Variants in PHF21B observed in about 807,000 individuals in gnomAD.
The protein encoded by PHF21B is PHD finger protein 4.
Under a neutral mutation model 62.2 loss-of-function variants are expected in PHF21B, and 22 were observed. The ratio of observed to expected loss-of-function variants is 0.35; its 90% CI spans 0.25 to 0.51. PHF21B has a LOEUF of 0.51. Ranked by LOEUF, PHF21B falls within the 20% of genes least tolerant of loss-of-function variation. The pLI, the probability that PHF21B is intolerant of heterozygous loss-of-function variation, is 0.97. For missense variants in PHF21B, 701 were observed against 707.9 expected, an observed-to-expected ratio of 0.99 and a Z score of 0.11; for synonymous variants, 341 against 314.7, an observed-to-expected ratio of 1.08 and a Z score of -0.88.
chr22:44,883,856 C>T (rs1225792413), intron 12 of PHF21B, among the ~76,000 whole-genome samples: 1 of 152,136 alleles, frequency 6.6e-6, no homozygotes, highest in African/African-American at 2.4e-5. Context: ...ATCACAAAGC[C>T]TCTTCACAGC....
intron 11 of PHF21B, 47 bp from the exon 12 acceptor site, chr22:44,885,576 G>A (rs755408272): frequency 1.0e-5 from 16 of 1,525,570 alleles, no homozygotes; most frequent in East Asian, 7.3e-5. Flanking sequence ...GGTAAGGAGC[G>A]GCTGGGTCGT....
At position 44,925,757 on chromosome 22, in the gene PHF21B, A is replaced by C. The variant is rs536577588; in HGVS notation, c.121-5267T>G. The stretch of plus-strand genomic sequence containing the variant: ...GCCCGCCTCCCCTAATGCATGTCTC[A>C]AAGATGGGGGGTTATGGGGATTGTC... On this transcript the variant is annotated intron_variant, in intron 2 of 12. Transcript: ENST00000313237. Among the ~76,000 whole-genome samples the C allele has an allele frequency of 2.6e-5, 4 of 152,242 alleles. No individual in the cohort carries two copies. The East Asian group carries it at 7.8e-4, about 30-fold the overall frequency.
At chr22:44,948,691 GAA>G (rs143726909) in intron 2 of PHF21B, among the ~76,000 whole-genome samples, 10 of 126,778 alleles carry the variant, frequency 7.9e-5, no homozygotes, top group Admixed American at 8.0e-5. Flanking sequence ...ACTCTGTCTG[GAA>G]AAAAAAAAAA....
intron 2 of PHF21B, among the ~76,000 whole-genome samples, chr22:44,955,153 C>T (rs1248469072): frequency 1.3e-5 from 2 of 152,192 alleles, no homozygotes; most frequent in Non-Finnish European, 2.9e-5. Context: ...AGAGTCCTGG[C>T]CTCGGAGGAG....
intron 2 of PHF21B, among the ~76,000 whole-genome samples, chr22:44,941,278 T>C (rs374709726): frequency 1.2e-4 from 18 of 152,250 alleles, no homozygotes; most frequent in African/African-American, 4.3e-4. Context: ...CAGTGCTACC[T>C]CCTGCAAGCT....
chr22:44,884,754 A>G (rs1251696062), intron 12 of PHF21B, among the ~76,000 whole-genome samples: 1 of 112,812 alleles, frequency 8.9e-6, no homozygotes, highest in Non-Finnish European at 2.0e-5. Context: ...GATCAGCACC[A>G]CCATCATTAC....
At chr22:45,004,363 G>GA (rs2073275149) in intron 2 of PHF21B, among the ~76,000 whole-genome samples, 1 of 152,012 alleles carries the variant, frequency 6.6e-6, no homozygotes, top group African/African-American at 2.4e-5. Context: ...AGGGGTCCAG[G>GA]AAACTCCAGC....
Position 44,916,601 on chromosome 22 carries a change from G to A in PHF21B, c.243C>T (p.Ser81=), listed in dbSNP as rs1284232572. The stretch of plus-strand genomic sequence containing the variant: ...GGTCCCGGCCCGGGGCAACGGGGAG[G>A]CTGTCTGGAATCAGAGTCTTTGGCC... The part of the protein sequence containing the change: ...QVRPKTLIPD[S]LPVAPGRDRP... The change falls in exon 4 of 13, where the codon AGC becomes AGT. Residue 81 remains serine (S), a synonymous_variant. Coordinates refer to ENST00000313237, the MANE Select transcript of PHF21B (RefSeq NM_138415.5). 4 of 1,603,342 alleles carry A rather than the reference G, an allele frequency of 2.5e-6. No homozygotes were observed. In the East Asian group the frequency reaches 6.7e-5, roughly 27 times the overall value.
chr22:44,888,353 G>A (rs1394800770), intron 9 of PHF21B, among the ~76,000 whole-genome samples: 1 of 152,182 alleles, frequency 6.6e-6, no homozygotes, highest in East Asian at 1.9e-4. Context: ...ATTTACTAGG[G>A]GCTGGGGCAC....
chr22:44,934,464 G>C (rs961330979), intron 2 of PHF21B, among the ~76,000 whole-genome samples: 1 of 152,096 alleles, frequency 6.6e-6, no homozygotes, highest in Non-Finnish European at 1.5e-5. Context: ...GGACAACATC[G>C]TCCCAGGCAG....
chr22:44,934,139 G>A (rs1301238567), intron 2 of PHF21B, among the ~76,000 whole-genome samples: 1 of 152,160 alleles, frequency 6.6e-6, no homozygotes, highest in Non-Finnish European at 1.5e-5. Context: ...CCAGTGGGTG[G>A]TCCTGGTGGC....
At chr22:44,935,700 T>C (rs1303612867) in intron 2 of PHF21B, among the ~76,000 whole-genome samples, 1 of 152,116 alleles carries the variant, frequency 6.6e-6, no homozygotes, top group Non-Finnish European at 1.5e-5. Flanking sequence ...GCAGGTCTCA[T>C]GGGAGAGGGC....
At chr22:44,929,144 A>G (rs2071691820) in intron 2 of PHF21B, among the ~76,000 whole-genome samples, 2 of 152,236 alleles carry the variant, frequency 1.3e-5, no homozygotes, top group South Asian at 4.1e-4. Context: ...GGCAAAGATA[A>G]CAAGTCAGTT....
Position 44,984,538 on chromosome 22 carries a change from G to T in PHF21B, c.120+24007C>A, listed in dbSNP as rs62232252. On this transcript the variant is annotated intron_variant, in intron 2 of 12. Transcript: ENST00000313237. ...AACAGAGCTCGGGGATTCAGGTGCA[G>T]TCAAGGGGCTGGCTCTGAGGGCCCC... Among the ~76,000 whole-genome samples, 1,503 of 152,328 alleles carry T rather than the reference G, an allele frequency of 9.9e-3. 12 individuals are homozygous for T. Among genetic ancestry groups the T allele is most frequent in the Non-Finnish European group, 0.015 (995 of 68,028 alleles).
chr22:44,893,151 G>A (rs2070995468), intron 7 of PHF21B, among the ~76,000 whole-genome samples: 1 of 152,080 alleles, frequency 6.6e-6, no homozygotes, highest in Admixed American at 6.5e-5. Context: ...TGTGACCGGA[G>A]ATTTGCCTGA....
intron 5 of PHF21B, among the ~76,000 whole-genome samples, chr22:44,904,919 T>A (rs555274115): frequency 6.6e-6 from 1 of 152,266 alleles, no homozygotes; most frequent in Non-Finnish European, 1.5e-5. Context: ...TCTGTGGTCA[T>A]CTGCCTGAGG....
intron 2 of PHF21B, among the ~76,000 whole-genome samples, chr22:44,978,934 T>G (rs1045618994): frequency 1.6e-4 from 24 of 152,326 alleles, no homozygotes; most frequent in African/African-American, 5.1e-4. Flanking sequence ...GCAGGCCCAC[T>G]GGCCCCGGGG....
At chr22:44,937,862 A>G (rs564123428) in intron 2 of PHF21B, among the ~76,000 whole-genome samples, 8 of 152,378 alleles carry the variant, frequency 5.3e-5, no homozygotes, top group African/African-American at 1.7e-4. Flanking sequence ...CATGAGGCTC[A>G]AGAAGCAGCA....
intron 2 of PHF21B, among the ~76,000 whole-genome samples, chr22:44,940,025 G>A (rs2071925277): frequency 6.6e-6 from 1 of 152,162 alleles, no homozygotes; most frequent in Non-Finnish European, 1.5e-5. Context: ...ATACAGCCAG[G>A]GGCCAGTGGG....
Sources: gnomAD v4.1 joint callset for allele counts (sites outside exome capture counted in the v4.1 genomes callset) on GRCh38, gnomAD v4.1.1 for gene constraint, MANE v1.5 for transcripts, NCBI Gene and HGNC (gene_info 2026-07-23, HGNC 2026-07-21) for gene names.